Variants in KANK1 observed in about 807,000 individuals in gnomAD.
KANK1 encodes KN motif and ankyrin repeat domain-containing protein 1.
KANK1 carries 109 observed loss-of-function variants against 106.2 expected under a neutral mutation model. The ratio of observed to expected loss-of-function variants is 1.03; its 90% CI spans 0.88 to 1.20. The LOEUF (loss-of-function observed/expected upper bound fraction) is 1.20. Ranked by LOEUF, KANK1 falls within the 50% of genes most tolerant of loss-of-function variation. The pLI, the probability that KANK1 is intolerant of heterozygous loss-of-function variation, is 0.00. For missense variants in KANK1, 2,399 were observed against 1,710.7 expected (o/e 1.40, Z -7.10); for synonymous variants, 873 against 652.2 (o/e 1.34, Z -5.16).
intron 1 of KANK1, among the ~76,000 whole-genome samples, chr9:646,753 G>A (rs140983248): frequency 0.014 from 2,044 of 148,944 alleles, 187 homozygotes; most frequent in African/African-American, 0.049. Context: ...GCAGTGGCAC[G>A]ATCTCAGCTC....
chr9:536,324 A>G (rs2060298550), intron 1 of KANK1, among the ~76,000 whole-genome samples: 1 of 152,204 alleles, frequency 6.6e-6, no homozygotes, highest in African/African-American at 2.4e-5. Context: ...CTTGGGCAAC[A>G]GAGCGAGACT....
intron 1 of KANK1, among the ~76,000 whole-genome samples, chr9:615,555 A>G (rs1224630908): frequency 1.3e-5 from 2 of 152,160 alleles, no homozygotes; most frequent in East Asian, 3.9e-4. Flanking sequence ...AAGGGCTGGA[A>G]TTTGATTCCC....
In KANK1 at chr9:554,023, G is replaced by A. The variant is rs186729829; in HGVS notation, c.-84+49269G>A. ...GGAGTTCTGGGACTGGCGTACAAAT[G>A]TACATTTTTGACAAGTTACCAGCTG... On this transcript the variant is annotated intron_variant, in intron 1 of 11. Coordinates refer to ENST00000382297, the MANE Select transcript of KANK1 (RefSeq NM_015158.5). Among the ~76,000 whole-genome samples the A allele has an allele frequency of 2.0e-4, 31 of 152,282 alleles. 1 individual carries two copies. The highest frequency in any genetic ancestry group is 3.5e-4 in the Non-Finnish European group (24 of 68,030).
intron 1 of KANK1, among the ~76,000 whole-genome samples, chr9:568,629 A>G (rs921072929): frequency 3.9e-5 from 6 of 152,260 alleles, no homozygotes; most frequent in Middle Eastern, 6.8e-3. Flanking sequence ...AGCTAGGACT[A>G]CAGGTGTGCA....
intron 1 of KANK1, among the ~76,000 whole-genome samples, chr9:564,741 C>G (rs1017323074): frequency 2.0e-5 from 3 of 152,260 alleles, no homozygotes; most frequent in African/African-American, 7.2e-5. Flanking sequence ...GATGCCCTTA[C>G]TGTTAACTGC....
rs1014048510 is a variant in KANK1 at position 683,844 on chromosome 9, C to T, written c.37+6835C>T. ...CATTTAATTAGATTATGCATTTCAA[C>T]TTTCAATGAAACTGTAGCTGTTAGT... is the stretch of plus-strand genomic sequence containing the variant. On this transcript the variant is annotated intron_variant, in intron 2 of 11. Coordinates refer to ENST00000382297, the MANE Select transcript of KANK1 (RefSeq NM_015158.5). Among the ~76,000 whole-genome samples, 8 of 152,284 alleles carry T rather than the reference C, an allele frequency of 5.3e-5. No individual in the cohort carries two copies. The South Asian group carries it at 1.4e-3, about 28-fold the overall frequency.
chr9:496,866 TC>T (rs1435825501), intron 3 of KANK1, among the ~76,000 whole-genome samples: 1 of 152,170 alleles, frequency 6.6e-6, no homozygotes, highest in Non-Finnish European at 1.5e-5. Context: ...GTACACATAA[TC>T]CCTCTACTTA....
At position 643,543 on chromosome 9, in the gene KANK1, AT is replaced by A. The variant is rs774468238; in HGVS notation, c.-83-33326del. Among the ~76,000 whole-genome samples the A allele has an allele frequency of 1.4e-3, 147 of 102,444 alleles. 1 individual carries two copies. The highest frequency in any genetic ancestry group is 5.3e-3 in the East Asian group (20 of 3,750). The allele number at this position is 102,444 out of a possible 152,430, so 67.2% of individuals were successfully genotyped here. A position where few individuals can be genotyped will look rare whatever the true frequency, so the allele number is the denominator to read the frequency against. On this transcript the variant is annotated intron_variant, in intron 1 of 11. Transcript: ENST00000382297. ...CCAGAATTTGCTTTTTTTCTTTTTG[AT>A]TTTTTTTTTTTTTTTTTTTTGGTAG...
chr9:708,938 C>G (rs146428947), intron 2 of KANK1, among the ~76,000 whole-genome samples: 1 of 152,262 alleles, frequency 6.6e-6, no homozygotes, highest in African/African-American at 2.4e-5. Context: ...ATGCATAGCC[C>G]AGGTCAGCGA....
intron 3 of KANK1, among the ~76,000 whole-genome samples, chr9:493,470 GA>G (rs2058410546): frequency 1.3e-5 from 2 of 151,426 alleles, no homozygotes; most frequent in African/African-American, 2.4e-5. Flanking sequence ...ACCATCCAGT[GA>G]AGCAGCTCAC....
In KANK1 at chr9:738,519, C is replaced by A. The variant is rs767917088; in HGVS notation, c.3553+15C>A. 10 of 1,591,256 alleles carry A rather than the reference C, an allele frequency of 6.3e-6. No homozygotes were observed. Among genetic ancestry groups the A allele is most frequent in the South Asian group, 1.1e-5 (1 of 90,590 alleles). ...GTTAGATGCCGGTATGTTGGCTGCCCTTCCACCCTCTCTTCTCTAACAGTA... is the reference window on the plus strand; with the variant it reads ...GTTAGATGCCGGTATGTTGGCTGCCATTCCACCCTCTCTTCTCTAACAGTA... On this transcript the variant is annotated intron_variant, in intron 8 of 11. Transcript: ENST00000382297.
At chr9:731,393 A>G (rs904654773) in intron 5 of KANK1, 127 bp downstream of exon 5, 1 of 557,614 alleles carries the variant, frequency 1.8e-6, no homozygotes, top group Non-Finnish European at 3.2e-6. Context: ...CCCTCCTCAG[A>G]AAGGCAGAAA....
intron 2 of KANK1, among the ~76,000 whole-genome samples, chr9:690,133 C>CAAAAAAAAAAAAAAAAA (rs57837964): frequency 1.6e-5 from 1 of 61,662 alleles, no homozygotes; most frequent in Non-Finnish European, 2.7e-5. Context: ...TCTAAAAATA[C>CAAAAAAAAAAAAAAAAA]AAAAAAAAAA....
intron 1 of KANK1, among the ~76,000 whole-genome samples, chr9:663,841 G>A (rs76603512): frequency 6.6e-6 from 1 of 152,076 alleles, no homozygotes; most frequent in Admixed American, 6.5e-5. Flanking sequence ...AGATACTGAT[G>A]TTTACTTTCA....
intron 1 of KANK1, among the ~76,000 whole-genome samples, chr9:511,344 T>C (rs2059019818): frequency 6.6e-6 from 1 of 152,218 alleles, no homozygotes; most frequent in African/African-American, 2.4e-5. Context: ...TTCCTGTGAC[T>C]TGTGACTGCT....
chr9:628,994 C>T (rs940064890), intron 1 of KANK1, among the ~76,000 whole-genome samples: 2 of 150,330 alleles, frequency 1.3e-5, no homozygotes, highest in South Asian at 2.1e-4. Flanking sequence ...GCAGGAGAAT[C>T]ACTTGAACCC....
chr9:731,289 G>C, intron 5 of KANK1, 23 bp downstream of exon 5: 2 of 1,394,780 alleles, frequency 1.4e-6, no homozygotes, highest in East Asian at 2.3e-5. Flanking sequence ...GGTGGTTCTA[G>C]AGGCTAATGC....
intron 1 of KANK1, among the ~76,000 whole-genome samples, chr9:542,863 A>C (rs1211044830): frequency 6.6e-6 from 1 of 152,156 alleles, no homozygotes; most frequent in African/African-American, 2.4e-5. Context: ...AGAAGCTGAG[A>C]GCGGAGTGGT....
intron 1 of KANK1, among the ~76,000 whole-genome samples, chr9:615,083 G>A (rs965766708): frequency 6.6e-6 from 1 of 151,916 alleles, no homozygotes; most frequent in African/African-American, 2.4e-5. Flanking sequence ...GGTACCAAAG[G>A]TGTGCGCCAC....
Sources: gnomAD v4.1 joint callset for allele counts (sites outside exome capture counted in the v4.1 genomes callset) on GRCh38, gnomAD v4.1.1 for gene constraint, MANE v1.5 for transcripts, NCBI Gene and HGNC (gene_info 2026-07-23, HGNC 2026-07-21) for gene names.